Variants in FIGN observed in about 807,000 individuals in gnomAD.
FIGN encodes the protein fidgetin, microtubule severing factor.
Under a neutral mutation model 51.3 loss-of-function variants are expected in FIGN, and 11 were observed. That is an observed-to-expected ratio of 0.21 (90% confidence interval 0.13 to 0.35). The LOEUF (loss-of-function observed/expected upper bound fraction) is 0.35. Among genes scored for constraint, FIGN ranks in the 10% least tolerant of loss-of-function variants. FIGN has a pLI of 1.00. For missense variants in FIGN, 857 were observed against 943.6 expected (o/e 0.91, Z 1.20); for synonymous variants, 407 against 363.2 (o/e 1.12, Z -1.37).
intron 2 of FIGN, among the ~76,000 whole-genome samples, chr2:163,708,497 C>G (rs962808339): frequency 6.6e-6 from 1 of 151,942 alleles, no homozygotes; most frequent in Admixed American, 6.6e-5. Context: ...GTGGCCAAGG[C>G]GAAATAGCAA....
intron 2 of FIGN, among the ~76,000 whole-genome samples, chr2:163,718,321 A>G (rs1684701712): frequency 6.6e-6 from 1 of 152,174 alleles, no homozygotes; most frequent in Non-Finnish European, 1.5e-5. Context: ...TTTCTTTCAA[A>G]TCCAAAGCAC....
At chr2:163,611,830 G>C in intron 2 of FIGN, 24 bp from the exon 3 acceptor site, 4 of 1,574,812 alleles carry the variant, frequency 2.5e-6, no homozygotes, top group Non-Finnish European at 3.5e-6. Flanking sequence ...GGGGAAAAGA[G>C]TTAATTTACT....
intron 2 of FIGN, among the ~76,000 whole-genome samples, chr2:163,654,432 A>G (rs1193806541): frequency 2.6e-5 from 4 of 152,084 alleles, no homozygotes; most frequent in Admixed American, 2.6e-4. Flanking sequence ...TGACATACTA[A>G]TCAGGTTTTC....
chr2:163,644,723 C>T (rs901901375), intron 2 of FIGN, among the ~76,000 whole-genome samples: 6 of 152,106 alleles, frequency 3.9e-5, no homozygotes, highest in Admixed American at 3.3e-4. Flanking sequence ...GTCATATCCA[C>T]TGGAAAATTA....
intron 2 of FIGN, among the ~76,000 whole-genome samples, chr2:163,716,230 A>G (rs1022375801): frequency 6.6e-6 from 1 of 152,234 alleles, no homozygotes; most frequent in Non-Finnish European, 1.5e-5. Flanking sequence ...GAGCAGATCT[A>G]TGGATGCTTC....
intron 2 of FIGN, among the ~76,000 whole-genome samples, chr2:163,688,965 T>C (rs1383914502): frequency 1.3e-5 from 2 of 149,992 alleles, no homozygotes; most frequent in Non-Finnish European, 3.0e-5. Flanking sequence ...AGCCCAGGAG[T>C]TCAAGACCAG....
rs192884348 is a variant in FIGN at position 163,650,402 on chromosome 2, T to C, written c.26-38596A>G. Among the ~76,000 whole-genome samples, 258 of 152,184 alleles carry C rather than the reference T, an allele frequency of 1.7e-3. 2 individuals are homozygous for C. The highest frequency in any genetic ancestry group is 5.9e-3 in the African/African-American group (246 of 41,532). On this transcript the variant is annotated intron_variant, in intron 2 of 2. Coordinates refer to ENST00000333129, the MANE Select transcript of FIGN (RefSeq NM_018086.4). ...TTTTTAATTCCTTTTTCTGATTTTT[T>C]AAAATTATACTTTAAGTTCTGCGAC...
intron 2 of FIGN, among the ~76,000 whole-genome samples, chr2:163,689,407 T>A (rs1207622429): frequency 6.6e-6 from 1 of 152,154 alleles, no homozygotes; most frequent in African/African-American, 2.4e-5. Context: ...TCAATGTAAG[T>A]TCTCAATATT....
intron 2 of FIGN, among the ~76,000 whole-genome samples, chr2:163,637,893 GA>G (rs1379463546): frequency 6.6e-5 from 10 of 152,128 alleles, no homozygotes; most frequent in Admixed American, 3.9e-4. Context: ...GCCACTGACA[GA>G]ATCTCAAGTA....
chr2:163,733,602 G>A (rs1684965267), intron 2 of FIGN, among the ~76,000 whole-genome samples: 1 of 152,160 alleles, frequency 6.6e-6, no homozygotes, highest in Non-Finnish European at 1.5e-5. Context: ...ATTTCTCAGG[G>A]CAAATTATGT....
chr2:163,603,399 C>G lies in FIGN; in HGVS notation c.*6153G>C, dbSNP rs1476362790. On this transcript the variant is annotated 3_prime_UTR_variant, in exon 3 of 3. Transcript: ENST00000333129. ...AATAAAATCAATATGGTCAGGGAAG[C>G]AAAGTGCACAGAAATTTTAATTAGT... 1 of 152,078 alleles carries G rather than the reference C, an allele frequency of 6.6e-6. No individual in the cohort carries two copies. The highest frequency in any genetic ancestry group is 1.5e-5 in the Non-Finnish European group (1 of 68,002). The allele number at this position is 152,078 out of a possible 1,614,324, so 9.4% of individuals were successfully genotyped here.
chr2:163,695,534 C>A (rs753882807), intron 2 of FIGN, among the ~76,000 whole-genome samples: 30 of 152,204 alleles, frequency 2.0e-4, no homozygotes, highest in Non-Finnish European at 3.5e-4. Flanking sequence ...CTTACACACA[C>A]ACACACACAT....
chr2:163,719,257 G>A (rs911046401), intron 2 of FIGN, among the ~76,000 whole-genome samples: 3 of 152,178 alleles, frequency 2.0e-5, no homozygotes, highest in Non-Finnish European at 4.4e-5. Flanking sequence ...TTAGGATGAT[G>A]TGATTGAATT....
rs1266674313 is a variant in FIGN, at chr2:163,611,805, G to A, written c.27C>T (p.Gly9=). The change falls in exon 3 of 3, where the codon GGC becomes GGT. Residue 9 remains glycine, a splice_region_variant and synonymous_variant. Coordinates refer to ENST00000333129, the MANE Select transcript of FIGN (RefSeq NM_018086.4). ...GCTCTGGCGTCCACTGCATCTTCAA[G>A]CCTAAGAATTTTGGGGGGAAAAGAG... MISSTSVY[G]LKMQWTPEHA... is the part of the protein sequence containing the mutation. 5.0e-6 allele frequency: 8 copies of A among 1,589,420 alleles called. No homozygotes were observed. Among genetic ancestry groups the A allele is most frequent in the Non-Finnish European group, 6.9e-6 (8 of 1,161,356 alleles).
rs747372432 is a variant in FIGN at position 163,611,715 on chromosome 2, A to T, written c.117T>A (p.Val39=). ...GCTGCAGATGACCTCTGTAGGCTTC[A>T]ACTTTGTGGGCAGGAGACCGAGTGG... ...TSTTRSPAHK[V]EAYRGHLQRT... The change falls in exon 3 of 3, where the codon GTT becomes GTA. Residue 39 remains valine, a synonymous_variant. Transcript: ENST00000333129. The T allele has an allele frequency of 2.5e-6, 4 of 1,614,148 alleles. No homozygotes were observed. In the Admixed American group the frequency reaches 6.7e-5, roughly 27 times the overall value.
chr2:163,729,459 A>C (rs1684892069), intron 2 of FIGN, among the ~76,000 whole-genome samples: 1 of 152,102 alleles, frequency 6.6e-6, no homozygotes, highest in Admixed American at 6.5e-5. Context: ...TATAGTATAA[A>C]AAACTTTACT....
chr2:163,616,771 A>G (rs1372659811), intron 2 of FIGN, among the ~76,000 whole-genome samples: 1 of 152,174 alleles, frequency 6.6e-6, no homozygotes, highest in Admixed American at 6.5e-5. Flanking sequence ...TAAATACTGT[A>G]AAGTAATTAT....
At chr2:163,620,032 T>C (rs919875788) in intron 2 of FIGN, among the ~76,000 whole-genome samples, 10 of 152,160 alleles carry the variant, frequency 6.6e-5, no homozygotes, top group African/African-American at 2.4e-4. Context: ...TTCAGAAGGA[T>C]ACATGAGGAT....
chr2:163,642,120 G>C (rs1042470363), intron 2 of FIGN, among the ~76,000 whole-genome samples: 3 of 152,114 alleles, frequency 2.0e-5, no homozygotes, highest in Non-Finnish European at 4.4e-5. Flanking sequence ...TTCAAACTTA[G>C]GTCACTTGGG....
Sources: gnomAD v4.1 joint callset for allele counts (sites outside exome capture counted in the v4.1 genomes callset) on GRCh38, gnomAD v4.1.1 for gene constraint, MANE v1.5 for transcripts, NCBI Gene and HGNC (gene_info 2026-07-23, HGNC 2026-07-21) for gene names.